The following RBM33 variants were observed in gnomAD, a reference collection of about 807,000 sequenced individuals.
The protein encoded by RBM33 is RNA binding motif protein 33.
Under a neutral mutation model 132.6 loss-of-function variants are expected in RBM33, and 28 were observed. The ratio of observed to expected loss-of-function variants is 0.21; its 90% CI spans 0.16 to 0.29. The LOEUF (loss-of-function observed/expected upper bound fraction) is 0.29. Ranked by LOEUF, RBM33 falls within the 10% of genes least tolerant of loss-of-function variation. The pLI, the probability that RBM33 is intolerant of heterozygous loss-of-function variation, is 1.00. For synonymous variants in RBM33, 634 were observed against 593.0 expected (o/e 1.07, Z -1.01); for missense variants, 1,291 against 1,518.5 (o/e 0.85, Z 2.49).
At chr7:155,674,408 C>T (rs968040726) in intron 3 of RBM33, among the ~76,000 whole-genome samples, 2 of 152,008 alleles carry the variant, frequency 1.3e-5, no homozygotes, top group Non-Finnish European at 2.9e-5. Flanking sequence ...AAAGTGGCTA[C>T]TTTTTTCTTC....
At chr7:155,665,126 G>T in intron 1 of RBM33, 49 bp from the exon 2 acceptor site, 1 of 1,490,170 alleles carries the variant, frequency 6.7e-7, no homozygotes, top group Non-Finnish European at 9.4e-7. Context: ...TATTTGCATT[G>T]TGTCTATTTT....
chr7:155,654,452 T>C (rs1049199495), intron 1 of RBM33, among the ~76,000 whole-genome samples: 1 of 152,248 alleles, frequency 6.6e-6, no homozygotes, highest in African/African-American at 2.4e-5. Context: ...ATATGAAGTA[T>C]AGATTTCTTA....
At chr7:155,675,368 G>C (rs796127698) in intron 3 of RBM33, among the ~76,000 whole-genome samples, 93 of 151,596 alleles carry the variant, frequency 6.1e-4, no homozygotes, top group African/African-American at 2.1e-3. Context: ...TGTATCATTG[G>C]CATTTCTCCC....
intron 3 of RBM33, among the ~76,000 whole-genome samples, chr7:155,673,940 G>GTTGTTGTTTGTTTTTTGTTTTT: frequency 1.8e-5 from 1 of 54,214 alleles, no homozygotes; most frequent in African/African-American, 8.3e-5. Flanking sequence ...TTTAGGCTTA[G>GTTGTTGTTTGTTTTTTGTTTTT]TTTTTTTTTT....
At chr7:155,759,412 GTTC>G (rs1801955811) in intron 14 of RBM33, among the ~76,000 whole-genome samples, 1 of 128,654 alleles carries the variant, frequency 7.8e-6, no homozygotes, top group Non-Finnish European at 1.6e-5. Context: ...CAATGTTTAT[GTTC>G]TTTTTTTTTT....
At chr7:155,721,138 C>T (rs572567579) in intron 9 of RBM33, among the ~76,000 whole-genome samples, 3 of 151,880 alleles carry the variant, frequency 2.0e-5, no homozygotes, top group Non-Finnish European at 2.9e-5. Flanking sequence ...AAGCTGTGCT[C>T]GTAGTAGTGC....
At chr7:155,681,969 G>T (rs1799349028) in intron 5 of RBM33, among the ~76,000 whole-genome samples, 1 of 151,122 alleles carries the variant, frequency 6.6e-6, no homozygotes, top group Admixed American at 6.6e-5. Context: ...CGCCCAGGCT[G>T]GAGTGCAGTG....
intron 6 of RBM33, among the ~76,000 whole-genome samples, chr7:155,705,631 T>A (rs2116966781): frequency 6.6e-6 from 1 of 152,312 alleles, no homozygotes; most frequent in South Asian, 2.1e-4. Flanking sequence ...GAAGGTGTCT[T>A]GGTATAATGT....
At position 155,745,211 on chromosome 7, in the gene RBM33, G is replaced by T; in HGVS notation, c.2588G>T (p.Gly863Val). 6.2e-7 allele frequency: 1 copy of T among 1,612,360 alleles called. No individual in the cohort carries two copies. Among genetic ancestry groups the T allele is most frequent in the Non-Finnish European group, 8.5e-7 (1 of 1,179,174 alleles). The change falls in exon 14 of 18, where the codon GGT (glycine) becomes GTT (valine). Residue 863 changes from glycine (G) to valine (V), a missense_variant. Physicochemically the swap from Gly to Val is moderately radical, Grantham distance 109. Coordinates refer to ENST00000401878, the MANE Select transcript of RBM33 (RefSeq NM_053043.3). This position sits in a 1 kb window ranked among gnomAD's most constrained non-coding sequence, Gnocchi z 4.1. ...TNGNPLLPFP[G>V]AQVRQNVKNR... ...GGTAACCCACTGTTGCCCTTTCCAG[G>T]TGCACAGGTCAGACAAAATGTGAAG...
At chr7:155,673,385 A>G (rs961828947) in intron 3 of RBM33, among the ~76,000 whole-genome samples, 5 of 143,152 alleles carry the variant, frequency 3.5e-5, no homozygotes, top group African/African-American at 7.7e-5. Context: ...AAAAATTTGT[A>G]TATCTATTTA....
At chr7:155,675,555 G>A (rs4716893) in intron 3 of RBM33, among the ~76,000 whole-genome samples, 1,663 of 152,062 alleles carry the variant, frequency 0.011, 31 homozygotes, top group African/African-American at 0.038. Context: ...AAAGAGGAGA[G>A]GGCAGTATCG....
chr7:155,748,532 CT>C (rs1199845117), intron 14 of RBM33, among the ~76,000 whole-genome samples: 2 of 152,168 alleles, frequency 1.3e-5, no homozygotes, highest in Non-Finnish European at 1.5e-5. Flanking sequence ...GTACTCATGT[CT>C]GTGAGGCAAT....
intron 7 of RBM33, 164 bp downstream of exon 7, chr7:155,707,232 A>G (rs773144858): frequency 4.1e-6 from 3 of 729,208 alleles, no homozygotes; most frequent in Non-Finnish European, 7.5e-6. Context: ...GTGATGTTGC[A>G]TATAGTCTTA....
In RBM33 at chr7:155,736,861, A is replaced by G. The variant is rs374731485; in HGVS notation, c.1261-669A>G. On this transcript the variant is annotated intron_variant, in intron 9 of 17. Coordinates refer to ENST00000401878, the MANE Select transcript of RBM33 (RefSeq NM_053043.3). ...TAATTGCATGGATTTCAATAAGCTT[A>G]AAAATAATATTCTTGCGTTATAATG... Among the ~76,000 whole-genome samples, 90 of 152,352 alleles carry G rather than the reference A, an allele frequency of 5.9e-4. 4 individuals are homozygous for G. In the South Asian group the frequency reaches 0.019, roughly 32 times the overall value.
At position 155,777,539 on chromosome 7, in the gene RBM33, T is replaced by C. The variant is rs529359537; in HGVS notation, c.*2498T>C. On this transcript the variant is annotated 3_prime_UTR_variant, in exon 18 of 18. Coordinates refer to ENST00000401878, the MANE Select transcript of RBM33 (RefSeq NM_053043.3). ...GGTACTTAGGTGTTTGGTATGCTGCTCACGTGAAGTCAGCCCACACCAGCC... is the reference window on the plus strand; with the variant it reads ...GGTACTTAGGTGTTTGGTATGCTGCCCACGTGAAGTCAGCCCACACCAGCC... 9.8e-4 allele frequency: 149 copies of C among 152,452 alleles called. No homozygotes were observed. The highest frequency in any genetic ancestry group is 3.6e-3 in the African/African-American group (148 of 41,584). The allele number at this position is 152,452 out of a possible 1,614,324, so 9.4% of individuals were successfully genotyped here.
At position 155,718,268 on chromosome 7, in the gene RBM33, ATGTAT is replaced by A. The variant is rs562769703; in HGVS notation, c.1202-115_1202-111del. ...AATGCTTAGCTTAAGCGTAAGCACAATGTATTATATGTCTGGTACGCATAGTATAT... is the reference window on the plus strand; with the variant it reads ...AATGCTTAGCTTAAGCGTAAGCACAATATATGTCTGGTACGCATAGTATAT... On this transcript the variant is annotated intron_variant, in intron 8 of 17. Transcript: ENST00000401878. 244 of 726,602 alleles carry A rather than the reference ATGTAT, an allele frequency of 3.4e-4. 1 individual carries two copies. In the East Asian group the frequency reaches 6.0e-3, roughly 18 times the overall value. 45.0% of individuals were successfully genotyped at this position (726,602 alleles called of 1,614,324 possible).
chr7:155,711,331 G>A lies in RBM33; in HGVS notation c.1077G>A (p.Met359Ile), dbSNP rs769200506. 1.7e-5 allele frequency: 28 copies of A among 1,604,604 alleles called. No homozygotes were observed. Among genetic ancestry groups the A allele is most frequent in the Non-Finnish European group, 2.3e-5 (27 of 1,175,926 alleles). Reference sequence around the variant, plus strand: ...ACCACCCATCCCCGCCTCAGGGAATGCACATGCCTCCCCAGCTAGAGACCC... The same window carrying A: ...ACCACCCATCCCCGCCTCAGGGAATACACATGCCTCCCCAGCTAGAGACCC... ...HPHHPSPPQGMHMPPQLETPR... is the reference protein window; with the variant it reads ...HPHHPSPPQGIHMPPQLETPR... Residue 359 changes from methionine (M) to isoleucine (I), a missense_variant, in exon 8 of 18, where the codon ATG becomes ATA. By Grantham distance (10) the Met-to-Ile change is conservative. Coordinates refer to ENST00000401878, the MANE Select transcript of RBM33 (RefSeq NM_053043.3).
chr7:155,709,397 G>A (rs1402471180), intron 7 of RBM33, among the ~76,000 whole-genome samples: 3 of 151,990 alleles, frequency 2.0e-5, no homozygotes, highest in Admixed American at 2.0e-4. Flanking sequence ...TTTTCTTCAG[G>A]TTTTGTTCTC....
intron 1 of RBM33, among the ~76,000 whole-genome samples, chr7:155,656,481 T>C (rs777988410): frequency 2.0e-5 from 3 of 152,230 alleles, no homozygotes; most frequent in Admixed American, 6.5e-5. Flanking sequence ...TATCTAAAAT[T>C]GTTTGAAAAG....
Sources: gnomAD v4.1 joint callset for allele counts (sites outside exome capture counted in the v4.1 genomes callset) on GRCh38, gnomAD v4.1.1 for gene constraint, Gnocchi (gnomAD v3.1) non-coding constraint, MANE v1.5 for transcripts, NCBI Gene and HGNC (gene_info 2026-07-23, HGNC 2026-07-21) for gene names.